CAMTA1: variants seen among roughly 807,000 people sequenced by gnomAD.
CAMTA1 encodes calmodulin-binding transcription activator 1.
CAMTA1 carries 27 observed loss-of-function variants against 170.9 expected under a neutral mutation model. The observed-to-expected ratio is 0.16, with a 90% CI of 0.12 to 0.22. The LOEUF is 0.22. Among genes scored for constraint, CAMTA1 ranks in the 10% least tolerant of loss-of-function variants. The probability of loss-of-function intolerance (pLI) is 1.00; values close to 1 mark genes in which losing one functional copy is unlikely to be tolerated. For synonymous variants in CAMTA1, 833 were observed against 891.5 expected (o/e 0.93, Z 1.17); for missense variants, 1,619 against 2,217.2 (o/e 0.73, Z 5.42).
rs116494789 is a variant in CAMTA1 at position 7,119,877 on chromosome 1, A to T, written c.302+28506A>T. ...CTGAGGATGGTGCATAGCTAGTACC[A>T]TTCTGATGCACAGCAGAGAAGTTAG... On this transcript the variant is annotated intron_variant, in intron 4 of 22. Transcript: ENST00000303635. 9.5e-3 allele frequency among the ~76,000 whole-genome samples: 1,446 copies of T among 152,292 alleles called. 21 individuals are homozygous for T. Among genetic ancestry groups the T allele is most frequent in the African/African-American group, 0.032 (1,349 of 41,542 alleles).
rs531529686 is a variant in CAMTA1 at position 6,958,152 on chromosome 1, T to C, written c.234+132942T>C. Among the ~76,000 whole-genome samples, 4 of 152,308 alleles carry C rather than the reference T, an allele frequency of 2.6e-5. No homozygotes were observed. In the South Asian group the frequency reaches 6.2e-4, roughly 24 times the overall value. On this transcript the variant is annotated intron_variant, in intron 3 of 22. Coordinates refer to ENST00000303635, the MANE Select transcript of CAMTA1 (RefSeq NM_015215.4). Reference sequence around the variant, plus strand: ...AAAATGGTAAGTGTGCACCCTTTCCTTCCTGGAGAACCTAGCATTAGCATC... The same window carrying C: ...AAAATGGTAAGTGTGCACCCTTTCCCTCCTGGAGAACCTAGCATTAGCATC...
At chr1:7,358,085 G>A (rs538747688) in intron 5 of CAMTA1, among the ~76,000 whole-genome samples, 109 of 152,316 alleles carry the variant, frequency 7.2e-4, no homozygotes, top group Middle Eastern at 3.4e-3. Context: ...GAATGGACAC[G>A]GAGAACAGCC....
chr1:7,455,035 G>C lies in CAMTA1; in HGVS notation c.439-12795G>C, dbSNP rs61772214. On this transcript the variant is annotated intron_variant, in intron 5 of 22. Transcript: ENST00000303635. The surrounding 1 kb of genome is among the most constrained non-coding windows in gnomAD (Gnocchi z 5.0). ...TCCCCCTGCTCCGTGCCAGAGCCTC[G>C]GAGGTTCCGATGCACTCAGGGCCCT... Among the ~76,000 whole-genome samples the C allele has an allele frequency of 6.6e-6, 1 of 152,214 alleles. No individual in the cohort carries two copies. Among genetic ancestry groups the C allele is most frequent in the East Asian group, 1.9e-4 (1 of 5,170 alleles).
chr1:6,862,548 A>C (rs1281728809), intron 3 of CAMTA1, among the ~76,000 whole-genome samples: 1 of 152,112 alleles, frequency 6.6e-6, no homozygotes. Flanking sequence ...TAACTATTCC[A>C]ATTTGAATTT....
At chr1:7,244,788 T>C (rs1665487205) in intron 4 of CAMTA1, among the ~76,000 whole-genome samples, 1 of 152,168 alleles carries the variant, frequency 6.6e-6, no homozygotes, top group African/African-American at 2.4e-5. Flanking sequence ...ATATACCTAA[T>C]GCTAAACGAC....
At chr1:7,727,271 C>T (rs1304119558) in intron 11 of CAMTA1, among the ~76,000 whole-genome samples, 8 of 152,038 alleles carry the variant, frequency 5.3e-5, no homozygotes, top group African/African-American at 1.2e-4. Context: ...TACAGGCGCC[C>T]GCCACCACAC....
chr1:7,086,409 G>T (rs1434753950), intron 3 of CAMTA1, among the ~76,000 whole-genome samples: 1 of 152,048 alleles, frequency 6.6e-6, no homozygotes, highest in African/African-American at 2.4e-5. Flanking sequence ...GGATGTTGAT[G>T]CCTCCTTCTT....
At chr1:7,718,760 T>C (rs900965224) in intron 11 of CAMTA1, among the ~76,000 whole-genome samples, 1 of 151,866 alleles carries the variant, frequency 6.6e-6, no homozygotes, top group African/African-American at 2.4e-5. Flanking sequence ...TTTCCCCATG[T>C]TTCTCAGGCT....
At chr1:7,046,455 G>T (rs537812377) in intron 3 of CAMTA1, among the ~76,000 whole-genome samples, 17 of 152,342 alleles carry the variant, frequency 1.1e-4, no homozygotes, top group African/African-American at 3.8e-4. Context: ...CGTGGTTCTT[G>T]TGGCTGAAAT....
chr1:7,335,137 T>TGGGGGGGGGG (rs1473139377), intron 5 of CAMTA1, among the ~76,000 whole-genome samples: 1 of 35,772 alleles, frequency 2.8e-5, no homozygotes, highest in Non-Finnish European at 8.2e-5. Flanking sequence ...TGTGTGTGTG[T>TGGGGGGGGGG]GTGGGGGGGG....
At chr1:7,182,426 C>T in intron 4 of CAMTA1, among the ~76,000 whole-genome samples, 2 of 149,422 alleles carry the variant, frequency 1.3e-5, no homozygotes, top group East Asian at 2.0e-4. Flanking sequence ...CTGGGGAGGT[C>T]GAGGCTGCAG....
At chr1:7,697,545 C>T (rs1055245469) in intron 11 of CAMTA1, among the ~76,000 whole-genome samples, 4 of 152,176 alleles carry the variant, frequency 2.6e-5, no homozygotes, top group Non-Finnish European at 5.9e-5. Context: ...CTCTGCATTT[C>T]GCCCACTTTA....
chr1:7,320,494 C>T (rs1055942392), intron 5 of CAMTA1, among the ~76,000 whole-genome samples: 1 of 152,076 alleles, frequency 6.6e-6, no homozygotes, highest in Non-Finnish European at 1.5e-5. Context: ...CTCAGTTGAA[C>T]TTACCATAGT....
rs1054681290 is a variant in CAMTA1, at chr1:7,565,327, G to A, written c.511-75073G>A. ...TATGGGGATGGGAGTGAGGCAGGCT[G>A]TGGGGCAGTGGGGTGAGTCTCTGAG... On this transcript the variant is annotated intron_variant, in intron 6 of 22. Transcript: ENST00000303635. This position sits in a 1 kb window ranked among gnomAD's most constrained non-coding sequence, Gnocchi z 4.5. 4.6e-5 allele frequency among the ~76,000 whole-genome samples: 7 copies of A among 152,150 alleles called. No homozygotes were observed. Among genetic ancestry groups the A allele is most frequent in the African/African-American group, 1.4e-4 (6 of 41,426 alleles).
rs1431322389 is a variant in CAMTA1, at chr1:6,904,323, C to G, written c.234+79113C>G. Among the ~76,000 whole-genome samples, 3 of 152,210 alleles carry G rather than the reference C, an allele frequency of 2.0e-5. No homozygotes were observed. In the East Asian group the frequency reaches 5.8e-4, roughly 29 times the overall value. ...TTCTTGAAAGGAGACCTGTCTCTCC[C>G]TCAGCCCTGGGACACCGTCTTCCTG... On this transcript the variant is annotated intron_variant, in intron 3 of 22. Coordinates refer to ENST00000303635, the MANE Select transcript of CAMTA1 (RefSeq NM_015215.4).
At chr1:6,883,265 G>A (rs1161142218) in intron 3 of CAMTA1, among the ~76,000 whole-genome samples, 1 of 152,180 alleles carries the variant, frequency 6.6e-6, no homozygotes, top group Non-Finnish European at 1.5e-5. Flanking sequence ...AGAAACAGAC[G>A]GGTTTCACTG....
chr1:7,721,632 G>T (rs982154577), intron 11 of CAMTA1, among the ~76,000 whole-genome samples: 2 of 152,162 alleles, frequency 1.3e-5, no homozygotes, highest in African/African-American at 4.8e-5. Context: ...AACGTAGCCT[G>T]GGATGGTTGG....
At chr1:7,679,454 A>C (rs1413000605) in intron 11 of CAMTA1, among the ~76,000 whole-genome samples, 2 of 152,144 alleles carry the variant, frequency 1.3e-5, no homozygotes, top group Non-Finnish European at 2.9e-5. Context: ...GGATGCTGCC[A>C]TAGAAACCGG....
intron 3 of CAMTA1, among the ~76,000 whole-genome samples, chr1:7,089,456 A>G (rs67985053): frequency 0.24 from 36,513 of 151,868 alleles, 4,513 homozygotes; most frequent in East Asian, 0.32. Flanking sequence ...TGTGTCAACT[A>G]TCTTCAGTGA....
Sources: gnomAD v4.1 joint callset for allele counts (sites outside exome capture counted in the v4.1 genomes callset) on GRCh38, gnomAD v4.1.1 for gene constraint, Gnocchi (gnomAD v3.1) non-coding constraint, MANE v1.5 for transcripts, NCBI Gene and HGNC (gene_info 2026-07-23, HGNC 2026-07-21) for gene names.